Variants in STRIP2 observed in about 807,000 individuals in gnomAD.
STRIP2 encodes the protein striatin interacting protein 2, also known as striatin-interacting protein 2.
STRIP2 carries 84 observed loss-of-function variants against 107.1 expected under a neutral mutation model. The observed-to-expected ratio is 0.78, with a 90% confidence interval of 0.66 to 0.94. The LOEUF (loss-of-function observed/expected upper bound fraction) is 0.94. Ranked by LOEUF, STRIP2 falls within the 40% of genes least tolerant of loss-of-function variation. The probability of loss-of-function intolerance (pLI) is 0.00; values close to 1 mark genes in which losing one functional copy is unlikely to be tolerated. For missense variants in STRIP2, 888 were observed against 1,034.2 expected, an observed-to-expected ratio of 0.86 and a Z score of 1.94; for synonymous variants, 394 against 400.4, an observed-to-expected ratio of 0.98 and a Z score of 0.19.
At position 129,456,506 on chromosome 7, in the gene STRIP2, C is replaced by T. The variant is rs1211883731; in HGVS notation, c.902C>T (p.Pro301Leu). 2 of 1,614,050 alleles carry T rather than the reference C, an allele frequency of 1.2e-6. No individual in the cohort carries two copies. The highest frequency in any genetic ancestry group is 1.7e-6 in the Non-Finnish European group (2 of 1,180,016). ...KVQKRAELGL[P>L]PLAEDSIQVV... Reference sequence around the variant, plus strand: ...CAGAAGCGGGCAGAATTGGGCCTGCCTCCACTGGCTGAAGACAGTATCCAG... The same window carrying T: ...CAGAAGCGGGCAGAATTGGGCCTGCTTCCACTGGCTGAAGACAGTATCCAG... Residue 301 changes from proline to leucine, a missense_variant, in exon 9 of 21, where the codon CCT becomes CTT. Coordinates refer to ENST00000249344, the MANE Select transcript of STRIP2 (RefSeq NM_020704.3).
Position 129,482,361 on chromosome 7 carries a change from A to C in STRIP2, c.2050-481A>C, listed in dbSNP as rs1274388741. Among the ~76,000 whole-genome samples the C allele has an allele frequency of 9.8e-3, 1,070 of 109,592 alleles. 11 individuals are homozygous for C. Among genetic ancestry groups the C allele is most frequent in the South Asian group, 0.026 (84 of 3,262 alleles). The allele number at this position is 109,592 out of a possible 152,430, so 71.9% of individuals were successfully genotyped here. On this transcript the variant is annotated intron_variant, in intron 19 of 20. Coordinates refer to ENST00000249344, the MANE Select transcript of STRIP2 (RefSeq NM_020704.3). ...TCTCTCTCTCTCTCTCTCTCTATATATATATATATATATATATTTTTTTTT... is the reference window on the plus strand; with the variant it reads ...TCTCTCTCTCTCTCTCTCTCTATATCTATATATATATATATATTTTTTTTT...
Position 129,454,177 on chromosome 7 carries a change from C to T in STRIP2, c.566C>T (p.Pro189Leu), listed in dbSNP as rs1798274466. 1.2e-6 allele frequency: 2 copies of T among 1,614,028 alleles called. No individual in the cohort carries two copies. The highest frequency in any genetic ancestry group is 3.3e-5 in the Admixed American group (2 of 60,006). ...SQACSSALRK[P>L]AVSIADSTEL... Reference sequence around the variant, plus strand: ...GCCTGTAGCAGTGCCCTTCGGAAACCAGCTGTCTCCATAGCTGATAGCACA... The same window carrying T: ...GCCTGTAGCAGTGCCCTTCGGAAACTAGCTGTCTCCATAGCTGATAGCACA... The change falls in exon 6 of 21, where the codon CCA (proline) becomes CTA (leucine). Residue 189 changes from proline (P) to leucine (L), a missense_variant. Pro to Leu is a moderately conservative substitution (Grantham distance 98). Transcript: ENST00000249344.
chr7:129,454,516 G>A lies in STRIP2; in HGVS notation c.695G>A (p.Arg232His), dbSNP rs1217539637. 13 of 1,611,230 alleles carry A rather than the reference G, an allele frequency of 8.1e-6. No individual in the cohort carries two copies. Among genetic ancestry groups the A allele is most frequent in the African/African-American group, 4.0e-5 (3 of 74,848 alleles). The change falls in exon 7 of 21, where the codon CGC becomes CAC. Residue 232 changes from arginine to histidine, a missense_variant. Physicochemically the swap from Arg to His is conservative, Grantham distance 29. Transcript: ENST00000249344. ...CGWRTARETFRTELSFSMHNE... is the reference protein window; with the variant it reads ...CGWRTARETFHTELSFSMHNE... ...TGGAGAACAGCCCGGGAGACCTTCC[G>A]CACTGAATTAAGTAAGAAATGGCAC...
intron 18 of STRIP2, chr7:129,478,041 A>C (rs778973968): frequency 3.7e-5 from 15 of 403,614 alleles, no homozygotes; most frequent in Admixed American, 1.2e-4. Context: ...CAACAGAAGA[A>C]TATTGGAATG....
intron 15 of STRIP2, 57 bp downstream of exon 15, chr7:129,464,198 C>T (rs1798614345): frequency 2.3e-6 from 3 of 1,285,090 alleles, no homozygotes; most frequent in Admixed American, 3.4e-5. Context: ...TGCAGGCTCT[C>T]TCTAGTCCCC....
At position 129,444,059 on chromosome 7, in the gene STRIP2, A is replaced by C. The variant is rs1797972531; in HGVS notation, c.235A>C (p.Asn79His). 2.5e-6 allele frequency: 4 copies of C among 1,613,862 alleles called. No individual in the cohort carries two copies. The highest frequency in any genetic ancestry group is 3.4e-6 in the Non-Finnish European group (4 of 1,179,802). ...TTACACTGAGAACCTGGAATTCACC[A>C]ATAACAGGAGGTGCTTTGAAGAAGA... ...YSYTENLEFT[N>H]NRRCFEEDFK... The change falls in exon 3 of 21, where the codon AAT becomes CAT. Residue 79 changes from asparagine to histidine, a missense_variant. By Grantham distance (68) the Asn-to-His change is moderately conservative. Transcript: ENST00000249344.
At chr7:129,454,271 T>TC in intron 6 of STRIP2, 61 bp downstream of exon 6, 1 of 1,570,078 alleles carries the variant, frequency 6.4e-7, no homozygotes, top group Admixed American at 1.7e-5. Context: ...GGTTACCTTT[T>TC]CCCCAAATCC....
intron 16 of STRIP2, among the ~76,000 whole-genome samples, chr7:129,465,611 C>G (rs1469704868): frequency 2.0e-5 from 3 of 152,152 alleles, no homozygotes; most frequent in African/African-American, 7.2e-5. Flanking sequence ...TTAATTATCT[C>G]CACCCTATGA....
intron 15 of STRIP2, 72 bp from the exon 16 acceptor site, chr7:129,464,540 C>A: frequency 3.9e-6 from 6 of 1,556,486 alleles, no homozygotes; most frequent in Non-Finnish European, 5.3e-6. Context: ...GTATCAGACC[C>A]AAATACCTGG....
At chr7:129,470,598 T>G in intron 17 of STRIP2, 51 bp from the exon 18 acceptor site, 1 of 1,458,398 alleles carries the variant, frequency 6.9e-7, no homozygotes, top group African/African-American at 1.4e-5. Context: ...TACAGCCAAT[T>G]CCTGCTGTTG....
At chr7:129,447,595 G>A (rs1008506409) in intron 3 of STRIP2, among the ~76,000 whole-genome samples, 4 of 152,212 alleles carry the variant, frequency 2.6e-5, no homozygotes, top group Non-Finnish European at 5.9e-5. Flanking sequence ...ATAAGATTAT[G>A]ACTCAAAGCC....
chr7:129,462,684 T>G (rs1798572599), intron 13 of STRIP2, among the ~76,000 whole-genome samples: 2 of 152,120 alleles, frequency 1.3e-5, no homozygotes, highest in South Asian at 4.1e-4. Context: ...CAGCCTCAGA[T>G]CCACACCATA....
At position 129,480,795 on chromosome 7, in the gene STRIP2, A is replaced by C. The variant is rs1279673197; in HGVS notation, c.1955A>C (p.Asp652Ala). Residue 652 changes from aspartate to alanine, a missense_variant, in exon 19 of 21, where the codon GAC becomes GCC. Asp to Ala is a moderately radical substitution (Grantham distance 126). Transcript: ENST00000249344. ...ELTTESLEAG[D>A]NSQFCWRNLF... ...TGTTCCCTACTATAGGAAGCTGGAG[A>C]CAACAGCCAGTTCTGCTGGAGGAAC... 6.2e-7 allele frequency: 1 copy of C among 1,613,530 alleles called. No homozygotes were observed. Among genetic ancestry groups the C allele is most frequent in the South Asian group, 1.1e-5 (1 of 90,968 alleles).
intron 16 of STRIP2, among the ~76,000 whole-genome samples, chr7:129,465,661 C>T (rs984227361): frequency 6.6e-6 from 1 of 152,126 alleles, no homozygotes; most frequent in Admixed American, 6.5e-5. Context: ...ATGATGAAAT[C>T]GAAGCTAAGA....
At position 129,467,478 on chromosome 7, in the gene STRIP2, AG is replaced by A. The variant is rs1471632808; in HGVS notation, c.1877+32del. 2.6e-6 allele frequency: 4 copies of A among 1,559,436 alleles called. No homozygotes were observed. In the Admixed American group the frequency reaches 6.7e-5, roughly 26 times the overall value. Reference sequence around the variant, plus strand: ...ATGAACTCTGGACAGGTTTATTTCAAGGGGCTATTTTGGGGTGGTTGAGAAA... The same window carrying A: ...ATGAACTCTGGACAGGTTTATTTCAAGGGCTATTTTGGGGTGGTTGAGAAA... On this transcript the variant is annotated intron_variant, in intron 17 of 20. Transcript: ENST00000249344.
intron 5 of STRIP2, among the ~76,000 whole-genome samples, chr7:129,453,603 C>T (rs1191087652): frequency 6.6e-6 from 1 of 152,198 alleles, no homozygotes; most frequent in African/African-American, 2.4e-5. Context: ...GGGGCCTATC[C>T]TGAGTGGGTT....
At chr7:129,478,085 G>T in intron 18 of STRIP2, 2 of 283,330 alleles carry the variant, frequency 7.1e-6, no homozygotes. Flanking sequence ...CATCATGTTA[G>T]AAACCTTGGA....
intron 13 of STRIP2, chr7:129,460,578 G>A (rs1798505365): frequency 1.8e-6 from 1 of 559,124 alleles, no homozygotes. Flanking sequence ...ATCAGAGAAT[G>A]GTAAATACAA....
chr7:129,451,191 G>A (rs563021599), intron 3 of STRIP2, among the ~76,000 whole-genome samples: 1 of 151,802 alleles, frequency 6.6e-6, no homozygotes, highest in African/African-American at 2.4e-5. Flanking sequence ...CGCCCGCCTC[G>A]GCCTCCCAAA....
Sources: allele counts gnomAD v4.1 joint callset (sites outside exome capture counted in the v4.1 genomes callset), GRCh38; gene constraint gnomAD v4.1.1; transcripts MANE v1.5; gene names NCBI Gene and HGNC (gene_info 2026-07-23, HGNC 2026-07-21).